GRIA2: variants seen among roughly 807,000 people sequenced by gnomAD.
GRIA2 encodes glutamate receptor 2.
In GRIA2, 14 loss-of-function variants were observed where a neutral mutation model predicts 97.3. The observed-to-expected ratio is 0.14, with a 90% CI of 0.10 to 0.23. GRIA2 has a LOEUF of 0.23. GRIA2 is among the 10% of genes least tolerant of loss of function. GRIA2 has a pLI of 1.00. For synonymous variants in GRIA2, 412 were observed against 387.8 expected (o/e 1.06, Z -0.73); for missense variants, 558 against 1,069.8 (o/e 0.52, Z 6.67).
chr4:157,247,622 T>C (rs570209129), intron 2 of GRIA2, among the ~76,000 whole-genome samples: 75 of 152,268 alleles, frequency 4.9e-4, no homozygotes, highest in African/African-American at 1.6e-3. Flanking sequence ...GCAGTGGGCA[T>C]GCTTGGCTTC....
At chr4:157,328,174 A>AT in intron 6 of GRIA2, among the ~76,000 whole-genome samples, 1 of 152,100 alleles carries the variant, frequency 6.6e-6, no homozygotes, top group Non-Finnish European at 1.5e-5. Context: ...AAAATGTGTT[A>AT]TTAATATTTA....
At chr4:157,270,255 C>T (rs905861073) in intron 2 of GRIA2, among the ~76,000 whole-genome samples, 5 of 151,952 alleles carry the variant, frequency 3.3e-5, no homozygotes, top group South Asian at 2.1e-4. Flanking sequence ...GTGTGTGTTC[C>T]GTGTAATGAC....
At chr4:157,250,655 A>C (rs1730980119) in intron 2 of GRIA2, among the ~76,000 whole-genome samples, 1 of 152,108 alleles carries the variant, frequency 6.6e-6, no homozygotes, top group South Asian at 2.1e-4. Context: ...ATAAACACAT[A>C]AACTTCACTC....
At chr4:157,351,386 G>A (rs1020281126) in intron 12 of GRIA2, among the ~76,000 whole-genome samples, 2 of 152,060 alleles carry the variant, frequency 1.3e-5, no homozygotes, top group Admixed American at 6.5e-5. Context: ...TACATTATCA[G>A]TTCACATTGT....
intron 11 of GRIA2, among the ~76,000 whole-genome samples, chr4:157,340,160 T>G (rs2126949027): frequency 6.6e-6 from 1 of 152,010 alleles, no homozygotes; most frequent in Non-Finnish European, 1.5e-5. Flanking sequence ...TCAAAAGATT[T>G]ATTTCTTACT....
At chr4:157,222,868 C>G (rs1729568043) in intron 2 of GRIA2, among the ~76,000 whole-genome samples, 1 of 152,230 alleles carries the variant, frequency 6.6e-6, no homozygotes, top group South Asian at 2.1e-4. Context: ...TCCCCGCGCT[C>G]GCTCCCCCGC....
chr4:157,362,507 C>T (rs1280698819), intron 14 of GRIA2: 1 of 525,880 alleles, frequency 1.9e-6, no homozygotes, highest in African/African-American at 1.9e-5. Context: ...AACTATTTAT[C>T]AATTTATCAC....
intron 2 of GRIA2, among the ~76,000 whole-genome samples, chr4:157,254,893 A>T (rs1731172680): frequency 6.6e-6 from 1 of 152,084 alleles, no homozygotes; most frequent in Non-Finnish European, 1.5e-5. Context: ...TCAATTTGGC[A>T]TATTTCTGTA....
intron 2 of GRIA2, among the ~76,000 whole-genome samples, chr4:157,234,424 T>C (rs182841158): frequency 2.0e-4 from 31 of 152,260 alleles, no homozygotes; most frequent in South Asian, 4.1e-4. Flanking sequence ...AGTGAACATG[T>C]ACATTTTACA....
At chr4:157,273,380 G>A (rs950856858) in intron 2 of GRIA2, among the ~76,000 whole-genome samples, 2 of 151,988 alleles carry the variant, frequency 1.3e-5, no homozygotes, top group African/African-American at 4.8e-5. Context: ...GAAACAGACA[G>A]AACAAGCATC....
At chr4:157,329,254 CCT>C (rs1734942128) in intron 6 of GRIA2, among the ~76,000 whole-genome samples, 1 of 151,256 alleles carries the variant, frequency 6.6e-6, no homozygotes, top group East Asian at 1.9e-4. Context: ...AATTTTTGAC[CCT>C]GTTTTAAATT....
At chr4:157,275,782 T>G (rs183569370) in intron 2 of GRIA2, among the ~76,000 whole-genome samples, 4 of 152,164 alleles carry the variant, frequency 2.6e-5, no homozygotes, top group African/African-American at 9.6e-5. Context: ...CCTTGTAGTA[T>G]AGTTTGAAGT....
At position 157,361,439 on chromosome 4, in the gene GRIA2, C is replaced by A; in HGVS notation, c.2406+315C>A. 1.1e-6 allele frequency: 1 copy of A among 936,966 alleles called. No homozygotes were observed. The highest frequency in any genetic ancestry group is 1.5e-5 in the South Asian group (1 of 66,130). The allele number at this position is 936,966 out of a possible 1,614,324, so 58.0% of individuals were successfully genotyped here. On this transcript the variant is annotated intron_variant, in intron 14 of 15. Transcript: ENST00000264426. This position sits in a 1 kb window ranked among gnomAD's most constrained non-coding sequence, Gnocchi z 5.2. ...CGTTTGCTTAGGCCAAATGGCGCAT[C>A]AATGACTATCGCTCTTACAAAGCTC... is the stretch of plus-strand genomic sequence containing the variant.
At chr4:157,249,378 C>T (rs1730923657) in intron 2 of GRIA2, 1 of 152,134 alleles carries the variant, frequency 6.6e-6, no homozygotes, top group Non-Finnish European at 1.5e-5. Context: ...CATTCTAATC[C>T]TTACTACCAG....
At position 157,366,008 on chromosome 4, in the gene GRIA2, C is replaced by T. The variant is rs1168163802; in HGVS notation, c.*2577C>T. 1 of 151,384 alleles carries T rather than the reference C, an allele frequency of 6.6e-6. No individual in the cohort carries two copies. The highest frequency in any genetic ancestry group is 2.4e-5 in the African/African-American group (1 of 41,344). The allele number at this position is 151,384 out of a possible 1,614,324, so 9.4% of individuals were successfully genotyped here. On this transcript the variant is annotated 3_prime_UTR_variant, in exon 16 of 16. Transcript: ENST00000264426. ...TCGATTTTATTTTTAAATCTAACATCGGATGGCTTTTCCGGAGTGTTGTAA... is the reference window on the plus strand; with the variant it reads ...TCGATTTTATTTTTAAATCTAACATTGGATGGCTTTTCCGGAGTGTTGTAA...
intron 2 of GRIA2, among the ~76,000 whole-genome samples, chr4:157,258,477 G>T (rs763560939): frequency 1.3e-5 from 2 of 152,010 alleles, no homozygotes; most frequent in Admixed American, 6.6e-5. Context: ...TGGTCAGACC[G>T]GTTGTCTGCT....
At chr4:157,220,675 C>G, upstream of GRIA2, 1 of 230,514 alleles carries the variant, frequency 4.3e-6, no homozygotes, top group South Asian at 7.0e-5. Flanking sequence ...TGTGTGTGTG[C>G]GCGCGCGCGT....
At chr4:157,305,968 G>A (rs1288642157) in intron 3 of GRIA2, among the ~76,000 whole-genome samples, 3 of 152,114 alleles carry the variant, frequency 2.0e-5, no homozygotes, top group Non-Finnish European at 2.9e-5. Context: ...TGTACCCAGT[G>A]CTTCAGATAA....
chr4:157,361,412 A>G lies in GRIA2; in HGVS notation c.2406+288A>G. The G allele has an allele frequency of 1.3e-6, 1 of 757,690 alleles. No individual in the cohort carries two copies. Among genetic ancestry groups the G allele is most frequent in the Non-Finnish European group, 2.2e-6 (1 of 457,046 alleles). 46.9% of individuals were successfully genotyped at this position (757,690 alleles called of 1,614,324 possible). On this transcript the variant is annotated intron_variant, in intron 14 of 15. Coordinates refer to ENST00000264426, the MANE Select transcript of GRIA2 (RefSeq NM_001083619.3). The surrounding 1 kb of genome is among the most constrained non-coding windows in gnomAD (Gnocchi z 5.2). ...ATGCTCATTTGGCTCTGCAAATCTTACCGTTTGCTTAGGCCAAATGGCGCA... is the reference window on the plus strand; with the variant it reads ...ATGCTCATTTGGCTCTGCAAATCTTGCCGTTTGCTTAGGCCAAATGGCGCA...
Sources: gnomAD v4.1 joint callset for allele counts (sites outside exome capture counted in the v4.1 genomes callset) on GRCh38, gnomAD v4.1.1 for gene constraint, Gnocchi (gnomAD v3.1) non-coding constraint, MANE v1.5 for transcripts, NCBI Gene and HGNC (gene_info 2026-07-23, HGNC 2026-07-21) for gene names.